Variants in DENND5A observed in about 807,000 individuals in gnomAD.
DENND5A encodes the protein DENN domain-containing protein 5A.
A neutral mutation model predicts 140.3 loss-of-function variants in DENND5A; 64 were observed. The observed-to-expected ratio is 0.46, with a 90% confidence interval of 0.37 to 0.56. DENND5A has a LOEUF of 0.56. Ranked by LOEUF, DENND5A falls within the 20% of genes least tolerant of loss-of-function variation. The probability of loss-of-function intolerance (pLI) is 0.00; values close to 1 mark genes in which losing one functional copy is unlikely to be tolerated. For missense variants in DENND5A, 1,292 were observed against 1,593.8 expected (o/e 0.81, Z 3.22); for synonymous variants, 605 against 607.7 (o/e 1.00, Z 0.07).
intron 3 of DENND5A, 152 bp from the exon 4 acceptor site, chr11:9,204,469 T>G (rs1849630081): frequency 1.8e-5 from 13 of 716,850 alleles, no homozygotes; most frequent in Middle Eastern, 7.9e-4. Context: ...GACATGCAAG[T>G]AAATAAAATC....
At chr11:9,221,174 T>C (rs1850298312) in intron 1 of DENND5A, among the ~76,000 whole-genome samples, 1 of 151,988 alleles carries the variant, frequency 6.6e-6, no homozygotes, top group South Asian at 2.1e-4. Context: ...CTCACGCCTG[T>C]AATCCTAGCA....
At chr11:9,257,513 A>G (rs1343824005) in intron 1 of DENND5A, among the ~76,000 whole-genome samples, 8 of 135,036 alleles carry the variant, frequency 5.9e-5, no homozygotes, top group Non-Finnish European at 1.1e-4. Context: ...AAGGAGTCTC[A>G]CACTGTTGCC....
Position 9,204,328 on chromosome 11 carries a change from C to T in DENND5A, c.292-11G>A. ...TTTCGGCATACATAGCTGCAAAAGA[C>T]AACAAGGCAACAAGCAGTGAGAACA... On this transcript the variant is annotated splice_polypyrimidine_tract_variant and intron_variant, in intron 3 of 22. Coordinates refer to ENST00000328194, the MANE Select transcript of DENND5A (RefSeq NM_015213.4). The T allele has an allele frequency of 6.2e-7, 1 of 1,601,252 alleles. No homozygotes were observed. The highest frequency in any genetic ancestry group is 8.5e-7 in the Non-Finnish European group (1 of 1,177,668).
chr11:9,225,175 C>G (rs1246403946), intron 1 of DENND5A, among the ~76,000 whole-genome samples: 1 of 152,192 alleles, frequency 6.6e-6, no homozygotes, highest in African/African-American at 2.4e-5. Context: ...CTAAATCACG[C>G]TTTTGCCATA....
intron 1 of DENND5A, among the ~76,000 whole-genome samples, chr11:9,261,978 T>C (rs943568973): frequency 6.6e-6 from 1 of 152,086 alleles, no homozygotes; most frequent in Non-Finnish European, 1.5e-5. Flanking sequence ...TTACACATTT[T>C]ATACAACTCA....
intron 4 of DENND5A, among the ~76,000 whole-genome samples, chr11:9,197,750 ATTAT>A (rs1300951529): frequency 6.6e-6 from 1 of 152,136 alleles, no homozygotes; most frequent in South Asian, 2.1e-4. Flanking sequence ...TTGTGCACAT[ATTAT>A]TTATTTGTTT....
At chr11:9,244,755 A>C (rs949544994) in intron 1 of DENND5A, among the ~76,000 whole-genome samples, 6 of 152,248 alleles carry the variant, frequency 3.9e-5, no homozygotes, top group Admixed American at 3.3e-4. Context: ...AGCTCACTGC[A>C]ACCCCACTTC....
intron 4 of DENND5A, among the ~76,000 whole-genome samples, chr11:9,194,566 CT>C (rs1849251935): frequency 6.9e-6 from 1 of 145,504 alleles, no homozygotes; most frequent in Non-Finnish European, 1.5e-5. Flanking sequence ...TAGACTCCTT[CT>C]TAAAAAAAAA....
intron 4 of DENND5A, among the ~76,000 whole-genome samples, chr11:9,200,673 C>T (rs1316627487): frequency 6.6e-6 from 1 of 152,208 alleles, no homozygotes; most frequent in African/African-American, 2.4e-5. Context: ...GTTTCCATTA[C>T]TTCACCTTCA....
chr11:9,150,338 A>C, intron 14 of DENND5A, 129 bp from the exon 15 acceptor site: 4 of 1,161,850 alleles, frequency 3.4e-6, no homozygotes, highest in Non-Finnish European at 4.9e-6. Flanking sequence ...GCCTATCTCT[A>C]TATTCTCCAA....
chr11:9,191,460 G>A (rs1484670586), intron 5 of DENND5A, among the ~76,000 whole-genome samples: 8 of 152,118 alleles, frequency 5.3e-5, no homozygotes, highest in East Asian at 1.9e-4. Flanking sequence ...GACTGGTCTC[G>A]AACTCCTGAC....
rs1015263045 is a variant in DENND5A, at chr11:9,264,967, G to A, written c.103C>T (p.Leu35=). 1 of 1,581,388 alleles carries A rather than the reference G, an allele frequency of 6.3e-7. No homozygotes were observed. The highest frequency in any genetic ancestry group is 2.4e-5 in the East Asian group (1 of 42,004). The part of the protein sequence containing the change: ...DTETGLEPDE[L]SALCQYIQAS... ...GGGCTCGGCGCGCACTCACCCGACAGCTCGTCCGGCTCCAGCCCGGTCTCC... is the reference window on the plus strand; with the variant it reads ...GGGCTCGGCGCGCACTCACCCGACAACTCGTCCGGCTCCAGCCCGGTCTCC... Residue 35 remains leucine, a synonymous_variant, in exon 1 of 23, where the codon CTG becomes TTG. Transcript: ENST00000328194.
chr11:9,243,118 T>TAAA (rs1478042311), intron 1 of DENND5A, among the ~76,000 whole-genome samples: 6 of 77,502 alleles, frequency 7.7e-5, no homozygotes, highest in African/African-American at 1.8e-4. Context: ...AAAAAAAAAC[T>TAAA]GAGGCGAGTA....
chr11:9,164,193 AATTTTTTTTTTTTTTTTTTTTT>A (rs1848104618), intron 11 of DENND5A, among the ~76,000 whole-genome samples: 3 of 91,772 alleles, frequency 3.3e-5, no homozygotes, highest in African/African-American at 9.2e-5. Context: ...CACCACGCCT[AATTTTTTTTTTTTTTTTTTTTT>A]TTTTTTTTTT....
At chr11:9,157,004 T>A in intron 12 of DENND5A, among the ~76,000 whole-genome samples, 1 of 152,122 alleles carries the variant, frequency 6.6e-6, no homozygotes, top group Non-Finnish European at 1.5e-5. Flanking sequence ...TTAGAACATA[T>A]AATGATACGA....
Position 9,160,766 on chromosome 11 carries a change from T to A in DENND5A, c.2383A>T (p.Ser795Cys), listed in dbSNP as rs1241693563. ...TGVEENTLIA[S>C]LCDLLERIWS... ...ATCCTTTCCAGGAGATCACAAAGGC[T>A]GGCAATCAGGGTGTTCTCTTCCACC... is the stretch of plus-strand genomic sequence containing the variant. The change falls in exon 12 of 23, where the codon AGC becomes TGC. Residue 795 changes from serine to cysteine, a missense_variant. Coordinates refer to ENST00000328194, the MANE Select transcript of DENND5A (RefSeq NM_015213.4). 6.2e-7 allele frequency: 1 copy of A among 1,613,776 alleles called. No homozygotes were observed. Among genetic ancestry groups the A allele is most frequent in the East Asian group, 2.2e-5 (1 of 44,888 alleles).
intron 8 of DENND5A, among the ~76,000 whole-genome samples, chr11:9,173,624 G>GGAGTATGGGTGCACAT (rs2136163868): frequency 6.6e-6 from 1 of 152,254 alleles, no homozygotes; most frequent in East Asian, 1.9e-4. Context: ...CAAACAGCTG[G>GGAGTATGGGTGCACAT]GAGTATGGGT....
intron 1 of DENND5A, among the ~76,000 whole-genome samples, chr11:9,227,213 C>T (rs10840192): frequency 0.57 from 70,300 of 124,152 alleles, 18,326 homozygotes; most frequent in Middle Eastern, 0.65. Context: ...AATAAATAAG[C>T]AAGCAAGCAC....
At chr11:9,241,608 C>G (rs930060992) in intron 1 of DENND5A, among the ~76,000 whole-genome samples, 6 of 152,210 alleles carry the variant, frequency 3.9e-5, no homozygotes, top group African/African-American at 1.4e-4. Flanking sequence ...AGGCTCTTCT[C>G]TCTGCCTGAA....
Sources: allele counts gnomAD v4.1 joint callset (sites outside exome capture counted in the v4.1 genomes callset), GRCh38; gene constraint gnomAD v4.1.1; transcripts MANE v1.5; gene names NCBI Gene and HGNC (gene_info 2026-07-23, HGNC 2026-07-21).